The following HSD17B12 variants were observed in gnomAD, a reference collection of about 807,000 sequenced individuals.
The protein encoded by HSD17B12 is hydroxysteroid 17-beta dehydrogenase 12.
HSD17B12 carries 32 observed loss-of-function variants against 39.3 expected under a neutral mutation model. The observed-to-expected ratio is 0.81, with a 90% confidence interval of 0.61 to 1.09. The LOEUF is 1.09. Among genes scored for constraint, HSD17B12 ranks in the 50% least tolerant of loss-of-function variants. The pLI is 0.00. For missense variants in HSD17B12, 342 were observed against 382.9 expected (o/e 0.89, Z 0.89); for synonymous variants, 150 against 146.7 (o/e 1.02, Z -0.16).
At position 43,831,956 on chromosome 11, in the gene HSD17B12, T is replaced by C. The variant is rs1013448349; in HGVS notation, c.536+946T>C. ...TAACTTTGATAGCCTCCCACCATTG[T>C]ACAGATGAGGAAACTGAGGTTAGGA... On this transcript the variant is annotated intron_variant, in intron 7 of 10. Transcript: ENST00000278353. The surrounding 1 kb of genome is among the most constrained non-coding windows in gnomAD (Gnocchi z 4.1). 6.6e-6 allele frequency among the ~76,000 whole-genome samples: 1 copy of C among 152,230 alleles called. No individual in the cohort carries two copies. The highest frequency in any genetic ancestry group is 1.5e-5 in the Non-Finnish European group (1 of 68,042).
chr11:43,568,792 T>A, the HSD17B12 span, among the ~76,000 whole-genome samples: 3 of 152,206 alleles, frequency 2.0e-5, no homozygotes, highest in African/African-American at 7.2e-5. Context: ...CATGGGTTTT[T>A]TAATTACATA....
chr11:43,653,361 G>A, the HSD17B12 span, among the ~76,000 whole-genome samples: 1 of 151,946 alleles, frequency 6.6e-6, no homozygotes, highest in Non-Finnish European at 1.5e-5. Context: ...GAAAATAGGA[G>A]AAAAATCTTT....
At chr11:43,619,244 A>ATATATATATATATGATATATATATAT in the HSD17B12 span, among the ~76,000 whole-genome samples, 47 of 45,358 alleles carry the variant, frequency 1.0e-3, no homozygotes, top group Admixed American at 2.3e-3. Context: ...TATATATATA[A>ATATATATATATATGATATATATATAT]AATATATATA....
At chr11:43,779,998 C>G (rs1017774154) in intron 3 of HSD17B12, among the ~76,000 whole-genome samples, 4 of 152,110 alleles carry the variant, frequency 2.6e-5, no homozygotes, top group Non-Finnish European at 5.9e-5. Flanking sequence ...AATAATTTTG[C>G]TGACCTGTAT....
At chr11:43,790,152 T>C (rs1950853953) in intron 3 of HSD17B12, among the ~76,000 whole-genome samples, 1 of 152,182 alleles carries the variant, frequency 6.6e-6, no homozygotes, top group Non-Finnish European at 1.5e-5. Flanking sequence ...CACCTTGGAA[T>C]AGATAACATA....
At chr11:43,794,400 C>A (rs1460015012) in intron 3 of HSD17B12, among the ~76,000 whole-genome samples, 3 of 151,982 alleles carry the variant, frequency 2.0e-5, no homozygotes, top group Non-Finnish European at 4.4e-5. Context: ...TAATGTAATC[C>A]CAATCAAAAC....
At chr11:43,651,440 TG>T in the HSD17B12 span, among the ~76,000 whole-genome samples, 2 of 152,242 alleles carry the variant, frequency 1.3e-5, no homozygotes, top group South Asian at 4.1e-4. Context: ...TACAGAAGTA[TG>T]GTCAAACAGG....
chr11:43,620,630 CAT>C, the HSD17B12 span, among the ~76,000 whole-genome samples: 1,480 of 152,322 alleles, frequency 9.7e-3, 23 homozygotes, highest in African/African-American at 0.035. Flanking sequence ...TGTAAACCAA[CAT>C]AGGATTTCCT....
intron 1 of HSD17B12, among the ~76,000 whole-genome samples, chr11:43,744,210 C>T (rs1195167973): frequency 1.3e-5 from 2 of 152,058 alleles, no homozygotes; most frequent in African/African-American, 4.8e-5. Context: ...AAACAATTAA[C>T]ATAAGAAACT....
chr11:43,622,037 T>C, the HSD17B12 span, among the ~76,000 whole-genome samples: 1 of 152,224 alleles, frequency 6.6e-6, no homozygotes, highest in Non-Finnish European at 1.5e-5. Context: ...ACAGGTTTGG[T>C]TGAGTCACAG....
intron 6 of HSD17B12, among the ~76,000 whole-genome samples, chr11:43,821,727 C>T (rs1327640567): frequency 6.6e-6 from 1 of 152,150 alleles, no homozygotes; most frequent in Non-Finnish European, 1.5e-5. Context: ...GGTTTCATTT[C>T]AAACAGGGTG....
the HSD17B12 span, among the ~76,000 whole-genome samples, chr11:43,636,262 G>C: frequency 8.5e-5 from 13 of 152,270 alleles, no homozygotes; most frequent in Admixed American, 6.5e-4. Flanking sequence ...ACATGGAGAT[G>C]GTTTTAGTAG....
intron 1 of HSD17B12, among the ~76,000 whole-genome samples, chr11:43,742,018 G>A (rs1565071446): frequency 6.7e-6 from 1 of 149,488 alleles, no homozygotes; most frequent in African/African-American, 2.4e-5. Flanking sequence ...ACAGGCGTGA[G>A]CCACCGCGCC....
intron 1 of HSD17B12, among the ~76,000 whole-genome samples, chr11:43,708,528 A>T (rs967580476): frequency 6.6e-6 from 1 of 152,240 alleles, no homozygotes; most frequent in African/African-American, 2.4e-5. Flanking sequence ...AAAAAATAAG[A>T]ATAACCCCAT....
the HSD17B12 span, among the ~76,000 whole-genome samples, chr11:43,652,247 G>A: frequency 5.9e-5 from 9 of 152,270 alleles, no homozygotes; most frequent in South Asian, 1.7e-3. Flanking sequence ...CAGTAATCAA[G>A]ACAGTGGAAT....
the HSD17B12 span, among the ~76,000 whole-genome samples, chr11:43,669,389 T>A: frequency 2.6e-5 from 4 of 151,854 alleles, no homozygotes; most frequent in Non-Finnish European, 4.4e-5. Context: ...TAATCCCAGC[T>A]ACTTGGGAGG....
At chr11:43,619,214 A>T in the HSD17B12 span, among the ~76,000 whole-genome samples, 31 of 35,866 alleles carry the variant, frequency 8.6e-4, no homozygotes, top group South Asian at 2.2e-3. Flanking sequence ...TATATATATA[A>T]AATATATATA....
At chr11:43,766,907 G>A (rs1950600515) in intron 3 of HSD17B12, among the ~76,000 whole-genome samples, 1 of 152,148 alleles carries the variant, frequency 6.6e-6, no homozygotes, top group South Asian at 2.1e-4. Context: ...TTTGTTACCA[G>A]TCGTTTACTC....
At chr11:43,718,963 T>G (rs1950151685) in intron 1 of HSD17B12, 2 of 1,051,536 alleles carry the variant, frequency 1.9e-6, no homozygotes, top group Middle Eastern at 2.8e-4. Flanking sequence ...ACAACACACT[T>G]GTGTTCATTG....
Sources: allele counts gnomAD v4.1 joint callset (sites outside exome capture counted in the v4.1 genomes callset), GRCh38; gene constraint gnomAD v4.1.1; non-coding constraint Gnocchi (gnomAD v3.1); transcripts MANE v1.5; gene names NCBI Gene and HGNC (gene_info 2026-07-23, HGNC 2026-07-21).